The following FUT9 variants were observed in gnomAD, a reference collection of about 807,000 sequenced individuals.
FUT9 encodes fucosyltransferase 9, also known as 4-galactosyl-N-acetylglucosaminide 3-alpha-L-fucosyltransferase 9.
Under a neutral mutation model 29.7 loss-of-function variants are expected in FUT9, and 15 were observed. That is an observed-to-expected ratio of 0.51 (90% confidence interval 0.34 to 0.78). FUT9 has a LOEUF of 0.78. FUT9 is among the 30% of genes least tolerant of loss of function. The pLI, the probability that FUT9 is intolerant of heterozygous loss-of-function variation, is 0.01. For missense variants in FUT9, 319 were observed against 425.4 expected (o/e 0.75, Z 2.20); for synonymous variants, 169 against 153.7 (o/e 1.10, Z -0.74).
chr6:96,157,804 T>C (rs1052704663), intron 2 of FUT9, among the ~76,000 whole-genome samples: 5 of 152,036 alleles, frequency 3.3e-5, no homozygotes, highest in Non-Finnish European at 5.9e-5. Context: ...CTGCCTTGCA[T>C]TTTTTTCTCT....
At chr6:96,177,038 C>A (rs901993739) in intron 2 of FUT9, among the ~76,000 whole-genome samples, 2 of 152,156 alleles carry the variant, frequency 1.3e-5, no homozygotes, top group African/African-American at 4.8e-5. Context: ...TCTGACTATA[C>A]TGTTGGCTCT....
At chr6:96,062,848 A>C (rs903543550) in intron 1 of FUT9, among the ~76,000 whole-genome samples, 1 of 151,616 alleles carries the variant, frequency 6.6e-6, no homozygotes, top group Non-Finnish European at 1.5e-5. Context: ...ACAACAAAAC[A>C]ACAAAAAGAT....
chr6:96,113,846 T>A (rs1414719160), intron 1 of FUT9, among the ~76,000 whole-genome samples, 193 bp from the exon 2 acceptor site: 1 of 97,542 alleles, frequency 1.0e-5, no homozygotes, highest in East Asian at 3.9e-4. Flanking sequence ...AGAGCGAGAC[T>A]CCATCTCAAA....
chr6:96,139,343 C>T (rs1157892144), intron 2 of FUT9, among the ~76,000 whole-genome samples: 2 of 152,196 alleles, frequency 1.3e-5, no homozygotes, highest in African/African-American at 2.4e-5. Flanking sequence ...AGCTCTGCCC[C>T]TGTGTCTTTG....
At position 96,205,154 on chromosome 6, in the gene FUT9, TA is replaced by T. The variant is rs1159633992; in HGVS notation, c.*923del. 1 of 167,078 alleles carries T rather than the reference TA, an allele frequency of 6.0e-6. No homozygotes were observed. The highest frequency in any genetic ancestry group is 2.1e-4 in the South Asian group (1 of 4,818). 10.3% of individuals were successfully genotyped at this position (167,078 alleles called of 1,614,324 possible). ...GATTTTTTTCTGAAGCCCTAATATT[TA>T]AAATGGTCTTATTTTACCATATGGA... is the stretch of plus-strand genomic sequence containing the variant. On this transcript the variant is annotated 3_prime_UTR_variant, in exon 3 of 3. Coordinates refer to ENST00000302103, the MANE Select transcript of FUT9 (RefSeq NM_006581.4).
In FUT9 at chr6:96,077,453, T is replaced by C. The variant is rs570627305; in HGVS notation, c.-97-36586T>C. 1.1e-4 allele frequency among the ~76,000 whole-genome samples: 16 copies of C among 152,326 alleles called. No homozygotes were observed. In the South Asian group the frequency reaches 3.3e-3, roughly 32 times the overall value. On this transcript the variant is annotated intron_variant, in intron 1 of 2. Transcript: ENST00000302103. The stretch of plus-strand genomic sequence containing the variant: ...TAACTGTTCCTATTTTTCCATAGTT[T>C]ATCCAAACTATCAAAAGCCTTTTAA...
chr6:96,153,554 G>C (rs948081291), intron 2 of FUT9, among the ~76,000 whole-genome samples: 1 of 152,090 alleles, frequency 6.6e-6, no homozygotes, highest in Non-Finnish European at 1.5e-5. Flanking sequence ...GACTGATTTT[G>C]GTTAGAAAAT....
Position 96,204,313 on chromosome 6 carries a change from C to T in FUT9, c.*78C>T, listed in dbSNP as rs753066572. 28 of 994,394 alleles carry T rather than the reference C, an allele frequency of 2.8e-5. No individual in the cohort carries two copies. The highest frequency in any genetic ancestry group is 3.8e-5 in the Non-Finnish European group (27 of 712,298). 61.6% of individuals were successfully genotyped at this position (994,394 alleles called of 1,614,324 possible). A position where few individuals can be genotyped will look rare whatever the true frequency, so the allele number is the denominator to read the frequency against. Reference sequence around the variant, plus strand: ...GTATTGAGGATAAGAAGAGATGCAACATACTACTTTTGTGTCACAATTTAT... The same window carrying T: ...GTATTGAGGATAAGAAGAGATGCAATATACTACTTTTGTGTCACAATTTAT... On this transcript the variant is annotated 3_prime_UTR_variant, in exon 3 of 3. Transcript: ENST00000302103.
chr6:96,163,088 T>C (rs1772943108), intron 2 of FUT9, among the ~76,000 whole-genome samples: 1 of 152,134 alleles, frequency 6.6e-6, no homozygotes, highest in Admixed American at 6.6e-5. Context: ...CCCAAGAAAA[T>C]GTGAGAGGTC....
chr6:96,098,821 T>G (rs1288318222), intron 1 of FUT9, among the ~76,000 whole-genome samples: 1 of 152,164 alleles, frequency 6.6e-6, no homozygotes, highest in Non-Finnish European at 1.5e-5. Flanking sequence ...TCTTAGGAAA[T>G]TTCAAATGTG....
chr6:96,087,613 C>A (rs150645432), intron 1 of FUT9, among the ~76,000 whole-genome samples: 4,288 of 152,154 alleles, frequency 0.028, 73 homozygotes, highest in East Asian at 0.079. Flanking sequence ...GATCCGCCCA[C>A]CTCGGCCTCC....
At chr6:96,023,177 G>T (rs957276157) in intron 1 of FUT9, among the ~76,000 whole-genome samples, 1 of 151,950 alleles carries the variant, frequency 6.6e-6, no homozygotes, top group Non-Finnish European at 1.5e-5. Context: ...TCCCAATAAG[G>T]TGCTGAACAT....
rs770921084 is a variant in FUT9, at chr6:96,213,358, G to A, written c.*9123G>A. 14 of 166,698 alleles carry A rather than the reference G, an allele frequency of 8.4e-5. No homozygotes were observed. The Admixed American group carries it at 8.5e-4, about 10-fold the overall frequency. 10.3% of individuals were successfully genotyped at this position (166,698 alleles called of 1,614,324 possible). On this transcript the variant is annotated 3_prime_UTR_variant, in exon 3 of 3. Coordinates refer to ENST00000302103, the MANE Select transcript of FUT9 (RefSeq NM_006581.4). ...TTTGAATAAAATGACTTACATTCAA[G>A]GAAGGTCAAAACTATTATTCTGAAA... is the stretch of plus-strand genomic sequence containing the variant.
At position 96,022,100 on chromosome 6, in the gene FUT9, T is replaced by C. The variant is rs563853207; in HGVS notation, c.-98+5888T>C. Among the ~76,000 whole-genome samples, 6 of 152,134 alleles carry C rather than the reference T, an allele frequency of 3.9e-5. No homozygotes were observed. The South Asian group carries it at 1.2e-3, about 31-fold the overall frequency. On this transcript the variant is annotated intron_variant, in intron 1 of 2. Coordinates refer to ENST00000302103, the MANE Select transcript of FUT9 (RefSeq NM_006581.4). ...TACATGGGTAATATGATTAGAGAGC[T>C]TCAAGGAAAAATGGGGAAATCTTTG...
At chr6:96,033,252 G>T (rs1305495905) in intron 1 of FUT9, among the ~76,000 whole-genome samples, 2 of 151,612 alleles carry the variant, frequency 1.3e-5, no homozygotes, top group Non-Finnish European at 3.0e-5. Context: ...TGAATATATT[G>T]GATTGACTTT....
chr6:96,093,670 A>G (rs976702293), intron 1 of FUT9, among the ~76,000 whole-genome samples: 8 of 152,156 alleles, frequency 5.3e-5, no homozygotes, highest in African/African-American at 1.7e-4. Context: ...TGAGCAAATA[A>G]TCATCACTTT....
At chr6:96,161,648 G>A (rs372807281) in intron 2 of FUT9, among the ~76,000 whole-genome samples, 332 of 152,100 alleles carry the variant, frequency 2.2e-3, no homozygotes, top group African/African-American at 7.7e-3. Context: ...AAATACTTAC[G>A]GGATCTAAAA....
chr6:96,187,975 A>G (rs1773434690), intron 2 of FUT9, among the ~76,000 whole-genome samples: 1 of 152,070 alleles, frequency 6.6e-6, no homozygotes, highest in Non-Finnish European at 1.5e-5. Context: ...TTAATCCTTG[A>G]TGTTCCTTGA....
intron 1 of FUT9, among the ~76,000 whole-genome samples, chr6:96,035,702 AAT>A (rs889063305): frequency 2.2e-5 from 3 of 138,688 alleles, no homozygotes; most frequent in Non-Finnish European, 4.6e-5. Context: ...TATACTAATA[AAT>A]ATAATTTATT....
Sources: gnomAD v4.1 joint callset for allele counts (sites outside exome capture counted in the v4.1 genomes callset) on GRCh38, gnomAD v4.1.1 for gene constraint, MANE v1.5 for transcripts, NCBI Gene and HGNC (gene_info 2026-07-23, HGNC 2026-07-21) for gene names.